PTPRK: variants seen among roughly 807,000 people sequenced by gnomAD.
PTPRK encodes receptor-type tyrosine-protein phosphatase kappa.
In PTPRK, 75 loss-of-function variants were observed where a neutral mutation model predicts 178.0. The ratio of observed to expected loss-of-function variants is 0.42; its 90% CI spans 0.35 to 0.51. The LOEUF is 0.51. Ranked by LOEUF, PTPRK falls within the 20% of genes least tolerant of loss-of-function variation. The probability of loss-of-function intolerance (pLI) is 0.02; values close to 1 mark genes in which losing one functional copy is unlikely to be tolerated. For missense variants in PTPRK, 1,441 were observed against 1,797.8 expected (o/e 0.80, Z 3.59); for synonymous variants, 637 against 620.6 (o/e 1.03, Z -0.39).
intron 7 of PTPRK, among the ~76,000 whole-genome samples, chr6:128,151,200 T>A (rs1222186687): frequency 6.6e-6 from 1 of 150,670 alleles, no homozygotes; most frequent in Non-Finnish European, 1.5e-5. Flanking sequence ...GGAGGAGGAG[T>A]TTTTTTTACC....
intron 1 of PTPRK, among the ~76,000 whole-genome samples, chr6:128,451,279 T>C (rs1847756907): frequency 6.6e-6 from 1 of 152,152 alleles, no homozygotes; most frequent in East Asian, 1.9e-4. Flanking sequence ...AAATCATGCA[T>C]AGGTAAAAGA....
At chr6:127,987,151 C>T (rs551544166) in intron 21 of PTPRK, among the ~76,000 whole-genome samples, 10 of 151,274 alleles carry the variant, frequency 6.6e-5, no homozygotes, top group Non-Finnish European at 1.3e-4. Context: ...ATAGGGTTTG[C>T]TCTTTTTAGT....
chr6:128,011,931 G>T (rs908477913), intron 13 of PTPRK, among the ~76,000 whole-genome samples: 1 of 151,026 alleles, frequency 6.6e-6, no homozygotes, highest in African/African-American at 2.4e-5. Context: ...TTAAAAACTA[G>T]ACTTCAATTC....
chr6:128,490,000 A>G (rs117013494), intron 1 of PTPRK, among the ~76,000 whole-genome samples: 2,406 of 152,318 alleles, frequency 0.016, 30 homozygotes, highest in Non-Finnish European at 0.026. Context: ...ACATTTTAAG[A>G]ACTATTTTAA....
chr6:128,263,520 A>G (rs1241801976), intron 3 of PTPRK, among the ~76,000 whole-genome samples: 1 of 152,202 alleles, frequency 6.6e-6, no homozygotes, highest in Admixed American at 6.5e-5. Context: ...ATTATACGGT[A>G]TTATCTACCA....
intron 2 of PTPRK, among the ~76,000 whole-genome samples, chr6:128,331,591 T>G (rs1320317834): frequency 2.6e-5 from 4 of 152,182 alleles, no homozygotes; most frequent in Non-Finnish European, 1.5e-5. Context: ...CCATCACTTT[T>G]TGTACAGTCT....
At chr6:128,041,390 A>G (rs9482863) in intron 13 of PTPRK, among the ~76,000 whole-genome samples, 21,682 of 152,034 alleles carry the variant, frequency 0.14, 1,762 homozygotes, top group African/African-American at 0.19. Flanking sequence ...TTCAGTCACT[A>G]CACTGATAAA....
At chr6:128,205,826 A>C in intron 6 of PTPRK, among the ~76,000 whole-genome samples, 1 of 149,880 alleles carries the variant, frequency 6.7e-6, no homozygotes, top group African/African-American at 2.4e-5. Context: ...AAAATATAAG[A>C]GTGGGAGAAA....
intron 8 of PTPRK, among the ~76,000 whole-genome samples, chr6:128,087,846 C>A (rs1316317519): frequency 1.3e-5 from 2 of 152,202 alleles, no homozygotes; most frequent in East Asian, 3.9e-4. Context: ...TTAAAGGGCT[C>A]TCACTTCTCT....
At chr6:128,388,553 C>A (rs1159315182) in intron 2 of PTPRK, among the ~76,000 whole-genome samples, 1 of 152,116 alleles carries the variant, frequency 6.6e-6, no homozygotes, top group Non-Finnish European at 1.5e-5. Context: ...AGCCCTGAAG[C>A]TTTTTGCTGC....
chr6:128,286,375 C>T lies in PTPRK; in HGVS notation c.495+35664G>A, dbSNP rs530901309. ...TTACATGTCAGACTACTTGATACTG[C>T]CCCACAGTGCACTGAGCTTATATTA... On this transcript the variant is annotated intron_variant, in intron 3 of 29. Coordinates refer to ENST00000368226, the MANE Select transcript of PTPRK (RefSeq NM_002844.4). Among the ~76,000 whole-genome samples the T allele has an allele frequency of 5.4e-4, 82 of 152,182 alleles. 1 individual carries two copies. Among genetic ancestry groups the T allele is most frequent in the Non-Finnish European group, 9.6e-4 (65 of 68,004 alleles).
chr6:128,424,483 G>A (rs1040962941), intron 1 of PTPRK, among the ~76,000 whole-genome samples: 3 of 152,152 alleles, frequency 2.0e-5, no homozygotes, highest in Admixed American at 6.5e-5. Flanking sequence ...AAATAAGTGC[G>A]ATGTGGAAGT....
At chr6:128,210,104 G>A (rs961833522) in intron 6 of PTPRK, among the ~76,000 whole-genome samples, 3 of 152,080 alleles carry the variant, frequency 2.0e-5, no homozygotes, top group Non-Finnish European at 2.9e-5. Flanking sequence ...AGAAGTACAC[G>A]AAAGAGAAGA....
At position 128,354,120 on chromosome 6, in the gene PTPRK, G is replaced by A. The variant is rs373712639; in HGVS notation, c.224-31810C>T. ...CCTTGTTTTCTTGGTTAAATATACC[G>A]TAAGGAAGCTAGCATATATTTTATG... On this transcript the variant is annotated intron_variant, in intron 2 of 29. Coordinates refer to ENST00000368226, the MANE Select transcript of PTPRK (RefSeq NM_002844.4). Among the ~76,000 whole-genome samples, 8 of 151,218 alleles carry A rather than the reference G, an allele frequency of 5.3e-5. No homozygotes were observed. In the East Asian group the frequency reaches 5.8e-4, roughly 11 times the overall value.
intron 2 of PTPRK, among the ~76,000 whole-genome samples, chr6:128,358,452 C>G (rs1834253713): frequency 6.6e-6 from 1 of 152,140 alleles, no homozygotes. Flanking sequence ...AAACACTGCT[C>G]CAACCACAGG....
chr6:128,405,419 A>G (rs1207216255), intron 1 of PTPRK, among the ~76,000 whole-genome samples: 4 of 152,192 alleles, frequency 2.6e-5, no homozygotes, highest in African/African-American at 9.7e-5. Context: ...ATATTTACCC[A>G]AGTTTCTTTT....
At chr6:128,224,970 T>A (rs999011245) in intron 5 of PTPRK, among the ~76,000 whole-genome samples, 1 of 152,172 alleles carries the variant, frequency 6.6e-6, no homozygotes, top group Non-Finnish European at 1.5e-5. Context: ...TTTGGACTTT[T>A]TGTTAAATGA....
At chr6:128,447,810 G>A (rs1847226300) in intron 1 of PTPRK, among the ~76,000 whole-genome samples, 1 of 151,966 alleles carries the variant, frequency 6.6e-6, no homozygotes, top group Admixed American at 6.6e-5. Flanking sequence ...TTTTAGTAGA[G>A]ATGGGGTTTC....
intron 13 of PTPRK, among the ~76,000 whole-genome samples, chr6:128,022,792 T>G (rs1773726263): frequency 6.6e-6 from 1 of 152,188 alleles, no homozygotes; most frequent in Non-Finnish European, 1.5e-5. Flanking sequence ...GAATTTATAT[T>G]TTATGAACAT....
Sources: gnomAD v4.1 joint callset for allele counts (sites outside exome capture counted in the v4.1 genomes callset) on GRCh38, gnomAD v4.1.1 for gene constraint, MANE v1.5 for transcripts, NCBI Gene and HGNC (gene_info 2026-07-23, HGNC 2026-07-21) for gene names.